SLC11A2: variants seen among roughly 807,000 people sequenced by gnomAD.
SLC11A2 encodes solute carrier family 11 member 2.
In SLC11A2, 38 loss-of-function variants were observed where a neutral mutation model predicts 68.0. The observed-to-expected ratio is 0.56, with a 90% CI of 0.43 to 0.73. SLC11A2 has a LOEUF of 0.73. Ranked by LOEUF, SLC11A2 falls within the 30% of genes least tolerant of loss-of-function variation. The pLI, the probability that SLC11A2 is intolerant of heterozygous loss-of-function variation, is 0.00. For missense variants in SLC11A2, 517 were observed against 690.5 expected (o/e 0.75, Z 2.82); for synonymous variants, 242 against 250.6 (o/e 0.97, Z 0.32).
At chr12:50,970,915 G>C in the SLC11A2 span, among the ~76,000 whole-genome samples, 1 of 151,714 alleles carries the variant, frequency 6.6e-6, no homozygotes, top group Non-Finnish European at 1.5e-5. Flanking sequence ...GTCTTACTCT[G>C]TTGCCCAGGC....
chr12:50,998,497 A>G (rs1392727778), intron 8 of SLC11A2, among the ~76,000 whole-genome samples: 1 of 152,186 alleles, frequency 6.6e-6, no homozygotes, highest in Non-Finnish European at 1.5e-5. Flanking sequence ...TACGTGTGTA[A>G]TGAGAGACTC....
chr12:51,001,585 CAAAA>C (rs57569917), intron 5 of SLC11A2, among the ~76,000 whole-genome samples: 3 of 109,188 alleles, frequency 2.7e-5, no homozygotes, highest in South Asian at 2.6e-4. Context: ...CTTGCTTTCA[CAAAA>C]AAAAAAAAAA....
chr12:50,981,591 C>A (rs1940028242), downstream of SLC11A2: 1 of 674,306 alleles, frequency 1.5e-6, no homozygotes, highest in Non-Finnish European at 2.7e-6. Flanking sequence ...ACACCCTTCC[C>A]ATGAGGAAAT....
upstream of SLC11A2, among the ~76,000 whole-genome samples, chr12:51,026,580 C>T (rs1420366709): frequency 6.6e-6 from 1 of 151,806 alleles, no homozygotes; most frequent in Non-Finnish European, 1.5e-5. Flanking sequence ...TGCATGCTGC[C>T]TAGTTGCTGC....
At chr12:50,993,992 C>CAAAAAAAAAAAAAAAAAAAAAAAAAAAA (rs71663850) in intron 11 of SLC11A2, among the ~76,000 whole-genome samples, 3 of 48,400 alleles carry the variant, frequency 6.2e-5, no homozygotes, top group Non-Finnish European at 1.1e-4. Context: ...ACCTTGTCTC[C>CAAAAAAAAAAAAAAAAAAAAAAAAAAAA]AAAAAAAAAA....
chr12:50,961,140 T>C, the SLC11A2 span: 83 of 1,601,988 alleles, frequency 5.2e-5, no homozygotes, highest in Admixed American at 6.8e-5. Context: ...TCAGCTGTCT[T>C]TGAGAGTACA....
downstream of SLC11A2, chr12:50,979,922 G>C (rs1939923415): frequency 2.2e-6 from 1 of 453,918 alleles, no homozygotes; most frequent in Non-Finnish European, 4.4e-6. Flanking sequence ...ACACCTTTGG[G>C]GCTAGAAAGA....
In SLC11A2 at chr12:50,987,493, A is replaced by G; in HGVS notation, c.*832T>C. 7.8e-7 allele frequency: 1 copy of G among 1,287,192 alleles called. No individual in the cohort carries two copies. The highest frequency in any genetic ancestry group is 1.2e-5 in the South Asian group (1 of 80,942). The allele number at this position is 1,287,192 out of a possible 1,614,324, so 79.7% of individuals were successfully genotyped here. On this transcript the variant is annotated 3_prime_UTR_variant, in exon 16 of 16. Transcript: ENST00000262052. The stretch of plus-strand genomic sequence containing the variant: ...TTCATAAATACTACCATCTGTTTCT[A>G]TCACCACCCTCCTGGAGAAAGAAAG...
the SLC11A2 span, among the ~76,000 whole-genome samples, chr12:50,952,967 AG>A: frequency 1.3e-5 from 2 of 152,154 alleles, no homozygotes; most frequent in African/African-American, 4.8e-5. Flanking sequence ...GGCAGACTTA[AG>A]CAAATGCATC....
At chr12:50,994,387 A>C (rs976674700) in intron 11 of SLC11A2, among the ~76,000 whole-genome samples, 157 bp downstream of exon 11, 1 of 152,082 alleles carries the variant, frequency 6.6e-6, no homozygotes, top group Non-Finnish European at 1.5e-5. Flanking sequence ...ATTCCTTCCC[A>C]TTTAATCCAA....
intron 5 of SLC11A2, among the ~76,000 whole-genome samples, chr12:51,000,883 AGGCTGG>A (rs1942149669): frequency 6.6e-6 from 1 of 151,988 alleles, no homozygotes; most frequent in Non-Finnish European, 1.5e-5. Flanking sequence ...GGTTGGGGTC[AGGCTGG>A]GCGCGGTGGC....
downstream of SLC11A2, among the ~76,000 whole-genome samples, chr12:50,982,755 C>A (rs1211260100): frequency 1.3e-5 from 2 of 151,942 alleles, no homozygotes; most frequent in Non-Finnish European, 1.5e-5. Flanking sequence ...ACCAGCCTGA[C>A]CAACATGGCG....
intron 1 of SLC11A2, among the ~76,000 whole-genome samples, chr12:51,018,495 G>A (rs1343101778): frequency 3.3e-5 from 5 of 150,844 alleles, no homozygotes; most frequent in East Asian, 3.9e-4. Flanking sequence ...TTTAATCTAC[G>A]GTTAAAACAA....
Position 50,986,131 on chromosome 12 carries a change from A to G in SLC11A2, c.*2194T>C, listed in dbSNP as rs1400313899. The G allele has an allele frequency of 7.8e-7, 1 of 1,286,512 alleles. No homozygotes were observed. The highest frequency in any genetic ancestry group is 1.0e-6 in the Non-Finnish European group (1 of 988,078). The allele number at this position is 1,286,512 out of a possible 1,614,324, so 79.7% of individuals were successfully genotyped here. On this transcript the variant is annotated 3_prime_UTR_variant, in exon 16 of 16. Transcript: ENST00000262052. ...AGAGCTCTTCCCTTTTCCCCTGTTA[A>G]TTTCCAGTATAATGTAGCAGCACAA...
chr12:50,996,534 C>G (rs1254074808), intron 9 of SLC11A2, among the ~76,000 whole-genome samples: 2 of 151,404 alleles, frequency 1.3e-5, no homozygotes. Flanking sequence ...AGAGATCACG[C>G]CACTGCACTC....
chr12:51,014,432 G>A (rs532246696), intron 1 of SLC11A2, among the ~76,000 whole-genome samples: 10 of 152,176 alleles, frequency 6.6e-5, no homozygotes, highest in African/African-American at 1.4e-4. Flanking sequence ...AAAAAGTTTC[G>A]TCTTCTATCT....
chr12:51,025,765 A>G (rs1030843704), intron 1 of SLC11A2: 84 of 985,606 alleles, frequency 8.5e-5, no homozygotes, highest in Non-Finnish European at 9.3e-5. Context: ...CTTAAAACCA[A>G]TCTACCCACA....
At chr12:50,977,098 C>T (rs1379048396), downstream of SLC11A2, among the ~76,000 whole-genome samples, 1 of 152,158 alleles carries the variant, frequency 6.6e-6, no homozygotes, top group African/African-American at 2.4e-5. Context: ...TCAATGCCAT[C>T]CCCATCAAGC....
intron 1 of SLC11A2, among the ~76,000 whole-genome samples, chr12:51,018,138 T>C (rs779321819): frequency 6.6e-6 from 1 of 152,206 alleles, no homozygotes; most frequent in African/African-American, 2.4e-5. Flanking sequence ...TTCACACCTG[T>C]AATCCCAGCA....
Sources: gnomAD v4.1 joint callset for allele counts (sites outside exome capture counted in the v4.1 genomes callset) on GRCh38, gnomAD v4.1.1 for gene constraint, MANE v1.5 for transcripts, NCBI Gene and HGNC (gene_info 2026-07-23, HGNC 2026-07-21) for gene names.